Variants in XRRA1 observed in about 807,000 individuals in gnomAD.
XRRA1 encodes X-ray radiation resistance associated 1.
A neutral mutation model predicts 80.2 loss-of-function variants in XRRA1; 69 were observed. The observed-to-expected ratio is 0.86, with a 90% CI of 0.71 to 1.05. The LOEUF (loss-of-function observed/expected upper bound fraction) is 1.05, where lower values mean the gene tolerates loss of function less well. Among genes scored for constraint, XRRA1 ranks in the 50% least tolerant of loss-of-function variants. The probability of loss-of-function intolerance (pLI) is 0.00; values close to 1 mark genes in which losing one functional copy is unlikely to be tolerated. For missense variants in XRRA1, 967 were observed against 976.4 expected (o/e 0.99, Z 0.13); for synonymous variants, 348 against 389.9 (o/e 0.89, Z 1.27).
At chr11:74,851,965 G>A (rs201260514) in intron 13 of XRRA1, 24 bp downstream of exon 13, 5 of 1,602,822 alleles carry the variant, frequency 3.1e-6, no homozygotes, top group African/African-American at 2.7e-5. Flanking sequence ...GGGTTGAGAG[G>A]GGGCAGGTTT....
At chr11:74,941,900 T>C (rs893615442) in intron 2 of XRRA1, among the ~76,000 whole-genome samples, 1 of 151,986 alleles carries the variant, frequency 6.6e-6, no homozygotes, top group African/African-American at 2.4e-5. Context: ...AGTATGAGCA[T>C]TTCATGTGTG....
chr11:74,940,418 GT>G (rs1946089426), intron 3 of XRRA1, among the ~76,000 whole-genome samples: 1 of 152,186 alleles, frequency 6.6e-6, no homozygotes, highest in Admixed American at 6.5e-5. Context: ...AATGGGAAGA[GT>G]TTGGCTAACA....
intron 1 of XRRA1, among the ~76,000 whole-genome samples, chr11:74,945,951 CTTT>C (rs1414700460): frequency 6.6e-6 from 1 of 151,936 alleles, no homozygotes; most frequent in Non-Finnish European, 1.5e-5. Context: ...AAGCCCACTT[CTTT>C]TTTTATTTAT....
chr11:74,902,832 G>C (rs1016058351), intron 10 of XRRA1, among the ~76,000 whole-genome samples: 1 of 151,996 alleles, frequency 6.6e-6, no homozygotes, highest in Non-Finnish European at 1.5e-5. Context: ...AAAATAGAAT[G>C]AATAAGACCT....
intron 10 of XRRA1, among the ~76,000 whole-genome samples, chr11:74,878,455 C>T (rs1490931886): frequency 3.3e-5 from 5 of 152,162 alleles, no homozygotes; most frequent in Admixed American, 2.6e-4. Context: ...TGTGCAGAAG[C>T]TCTTTAGTTT....
chr11:74,921,315 C>A lies in XRRA1; in HGVS notation c.555G>T (p.Val185=), dbSNP rs775638180. The A allele has an allele frequency of 6.2e-7, 1 of 1,613,968 alleles. No homozygotes were observed. Among genetic ancestry groups the A allele is most frequent in the Non-Finnish European group, 8.5e-7 (1 of 1,179,864 alleles). Reference sequence around the variant, plus strand: ...GAATCCCCAAATCACAGATGGCCTCCACAGTCAGGCTGTTGAAGGAAAGGT... The same window carrying A: ...GAATCCCCAAATCACAGATGGCCTCAACAGTCAGGCTGTTGAAGGAAAGGT... ...FLDLSFNSLT[V]EAICDLGILP... The change falls in exon 8 of 19, where the codon GTG becomes GTT. Residue 185 remains valine (V), a synonymous_variant. Coordinates refer to ENST00000684022, the MANE Select transcript of XRRA1 (RefSeq NM_001378157.1).
At chr11:74,854,202 G>T (rs896991922) in intron 12 of XRRA1, among the ~76,000 whole-genome samples, 2 of 152,174 alleles carry the variant, frequency 1.3e-5, no homozygotes, top group African/African-American at 4.8e-5. Context: ...TAGGCAGTTG[G>T]ATACACTGGT....
chr11:74,931,477 AC>A (rs1414484107), intron 5 of XRRA1, among the ~76,000 whole-genome samples: 1 of 151,930 alleles, frequency 6.6e-6, no homozygotes, highest in Non-Finnish European at 1.5e-5. Flanking sequence ...GGTGTCTGCC[AC>A]CATGCCCAGT....
chr11:74,848,085 A>C, intron 15 of XRRA1, 30 bp downstream of exon 15: 1 of 1,581,884 alleles, frequency 6.3e-7, no homozygotes, highest in Non-Finnish European at 8.6e-7. Flanking sequence ...AGCTAGCAAC[A>C]AGTGGGCAGG....
chr11:74,850,924 A>G (rs2039665390), intron 14 of XRRA1, 164 bp downstream of exon 14: 3 of 477,520 alleles, frequency 6.3e-6, no homozygotes, highest in Middle Eastern at 5.7e-4. Context: ...CTGTTGTTTC[A>G]TCCAGTGCTC....
chr11:74,921,267 G>A lies in XRRA1; in HGVS notation c.603C>T (p.Leu201=). 1 of 1,614,044 alleles carries A rather than the reference G, an allele frequency of 6.2e-7. No homozygotes were observed. The highest frequency in any genetic ancestry group is 1.1e-5 in the South Asian group (1 of 91,090). The stretch of plus-strand genomic sequence containing the variant: ...GGGAGGTAAGGCCATTGCCTGTGAG[G>A]AGCAGGACACGGAGGTGTGGCAGAA... The part of the protein sequence containing the change: ...LGILPHLRVL[L]LTGNGLTSLP... Residue 201 remains leucine (L), a synonymous_variant, in exon 8 of 19, where the codon CTC becomes CTT. Coordinates refer to ENST00000684022, the MANE Select transcript of XRRA1 (RefSeq NM_001378157.1).
chr11:74,847,321 A>C (rs538181149), intron 15 of XRRA1, among the ~76,000 whole-genome samples: 2 of 152,322 alleles, frequency 1.3e-5, no homozygotes, highest in East Asian at 3.9e-4. Flanking sequence ...TGGAGGGGCA[A>C]GACTAGAGGC....
chr11:74,847,547 T>C (rs1031482652), intron 15 of XRRA1, among the ~76,000 whole-genome samples: 2 of 152,164 alleles, frequency 1.3e-5, no homozygotes, highest in African/African-American at 4.8e-5. Context: ...TCTTCACCTT[T>C]TTAATTCCTA....
At chr11:74,889,521 T>A (rs1380291901) in intron 10 of XRRA1, among the ~76,000 whole-genome samples, 1 of 152,108 alleles carries the variant, frequency 6.6e-6, no homozygotes, top group African/African-American at 2.4e-5. Context: ...CCAGCTAACA[T>A]CATAATGACA....
At chr11:74,945,409 T>A (rs1485942501) in intron 1 of XRRA1, among the ~76,000 whole-genome samples, 1 of 152,098 alleles carries the variant, frequency 6.6e-6, no homozygotes, top group African/African-American at 2.4e-5. Flanking sequence ...TTCTGCCAGA[T>A]AAAAATAGGA....
At chr11:74,888,146 G>A (rs1056386616) in intron 10 of XRRA1, among the ~76,000 whole-genome samples, 35 of 152,238 alleles carry the variant, frequency 2.3e-4, no homozygotes, top group African/African-American at 6.5e-4. Context: ...CCTGACCCCC[G>A]AGTAGCCTAA....
chr11:74,893,541 C>G (rs2051371554), intron 10 of XRRA1, among the ~76,000 whole-genome samples: 2 of 150,610 alleles, frequency 1.3e-5, no homozygotes, highest in African/African-American at 4.9e-5. Context: ...TACCCTAAAA[C>G]TTGAAGTATA....
Position 74,842,706 on chromosome 11 carries a change from A to G in XRRA1, c.*494T>C, listed in dbSNP as rs2036747842. On this transcript the variant is annotated 3_prime_UTR_variant, in exon 19 of 19. Coordinates refer to ENST00000684022, the MANE Select transcript of XRRA1 (RefSeq NM_001378157.1). Reference sequence around the variant, plus strand: ...GCTCCTAATGAAGGAACCAAGAAAGAGTCTGAGTAAAGAACGAATATACAG... The same window carrying G: ...GCTCCTAATGAAGGAACCAAGAAAGGGTCTGAGTAAAGAACGAATATACAG... 1 of 155,064 alleles carries G rather than the reference A, an allele frequency of 6.4e-6. No homozygotes were observed. The highest frequency in any genetic ancestry group is 2.4e-5 in the African/African-American group (1 of 41,526). The allele number at this position is 155,064 out of a possible 1,614,324, so 9.6% of individuals were successfully genotyped here.
intron 10 of XRRA1, among the ~76,000 whole-genome samples, chr11:74,866,587 T>C (rs1247102023): frequency 1.3e-5 from 2 of 150,874 alleles, no homozygotes; most frequent in Non-Finnish European, 1.5e-5. Context: ...CACAGTGAAC[T>C]TCAAGAAAAC....
Sources: allele counts gnomAD v4.1 joint callset (sites outside exome capture counted in the v4.1 genomes callset), GRCh38; gene constraint gnomAD v4.1.1; transcripts MANE v1.5; gene names NCBI Gene and HGNC (gene_info 2026-07-23, HGNC 2026-07-21).